Variants in HIBADH observed in about 807,000 individuals in gnomAD.
HIBADH encodes 3-hydroxyisobutyrate dehydrogenase.
HIBADH carries 25 observed loss-of-function variants against 36.1 expected under a neutral mutation model. The ratio of observed to expected loss-of-function variants is 0.69; its 90% confidence interval spans 0.50 to 0.97. The LOEUF (loss-of-function observed/expected upper bound fraction) is 0.97, where lower values mean the gene tolerates loss of function less well. Among genes scored for constraint, HIBADH ranks in the 50% least tolerant of loss-of-function variants. The pLI, the probability that HIBADH is intolerant of heterozygous loss-of-function variation, is 0.00. For missense variants in HIBADH, 421 were observed against 418.0 expected (o/e 1.01, Z -0.06); for synonymous variants, 160 against 149.5 (o/e 1.07, Z -0.51).
chr7:27,534,518 T>A (rs1160215289), intron 6 of HIBADH, among the ~76,000 whole-genome samples: 1 of 152,138 alleles, frequency 6.6e-6, no homozygotes, highest in Non-Finnish European at 1.5e-5. Flanking sequence ...CTTTTACCTT[T>A]GGCAAGAGAA....
intron 4 of HIBADH, among the ~76,000 whole-genome samples, chr7:27,550,260 ATTCT>A (rs2128185351): frequency 6.6e-6 from 1 of 152,202 alleles, no homozygotes; most frequent in East Asian, 1.9e-4. Flanking sequence ...CCATTAAGTT[ATTCT>A]TTCTGAAGTA....
intron 4 of HIBADH, among the ~76,000 whole-genome samples, chr7:27,602,147 T>A (rs975628701): frequency 1.3e-5 from 2 of 151,834 alleles, no homozygotes; most frequent in African/African-American, 4.8e-5. Flanking sequence ...CTATTGTGCC[T>A]TCCTGAGACT....
intron 2 of HIBADH, among the ~76,000 whole-genome samples, chr7:27,643,806 T>C (rs1562656496): frequency 1.3e-5 from 2 of 152,214 alleles, no homozygotes; most frequent in Admixed American, 6.5e-5. Context: ...TTCCAGCTTC[T>C]GATGGCTCCT....
At chr7:27,541,055 TAG>T (rs1274568503) in intron 5 of HIBADH, among the ~76,000 whole-genome samples, 2 of 151,986 alleles carry the variant, frequency 1.3e-5, no homozygotes, top group African/African-American at 4.8e-5. Context: ...TACAAAACAG[TAG>T]AGTTAGCCTA....
At chr7:27,656,795 T>C (rs942185276) in intron 1 of HIBADH, among the ~76,000 whole-genome samples, 3 of 152,208 alleles carry the variant, frequency 2.0e-5, no homozygotes, top group Admixed American at 6.5e-5. Context: ...ATATATGCTA[T>C]GTGAATGAAT....
intron 5 of HIBADH, among the ~76,000 whole-genome samples, chr7:27,542,627 T>G (rs993742666): frequency 5.9e-5 from 9 of 151,666 alleles, no homozygotes; most frequent in Non-Finnish European, 8.8e-5. Flanking sequence ...AATTTTTTTG[T>G]TCTTTGTAGA....
chr7:27,549,989 C>G (rs1241696974), intron 4 of HIBADH, among the ~76,000 whole-genome samples: 2 of 152,144 alleles, frequency 1.3e-5, no homozygotes, highest in African/African-American at 4.8e-5. Flanking sequence ...CTCATTGCAA[C>G]CTCTGCCTCC....
chr7:27,594,655 A>C (rs1248874716), intron 4 of HIBADH, among the ~76,000 whole-genome samples: 1 of 152,192 alleles, frequency 6.6e-6, no homozygotes, highest in African/African-American at 2.4e-5. Context: ...TAAACAAGCA[A>C]AAGTAGTCTA....
intron 4 of HIBADH, among the ~76,000 whole-genome samples, chr7:27,578,251 TTTG>T (rs1286975392): frequency 6.6e-6 from 1 of 152,180 alleles, no homozygotes; most frequent in African/African-American, 2.4e-5. Context: ...AATGAAAATA[TTTG>T]TTTTCTTAGT....
At chr7:27,545,351 T>C (rs556066860) in intron 4 of HIBADH, among the ~76,000 whole-genome samples, 11 of 152,082 alleles carry the variant, frequency 7.2e-5, no homozygotes, top group Non-Finnish European at 1.6e-4. Context: ...AGATGGAGGA[T>C]TGCTTGAACC....
At chr7:27,640,501 G>A (rs888265669) in intron 2 of HIBADH, among the ~76,000 whole-genome samples, 1 of 152,184 alleles carries the variant, frequency 6.6e-6, no homozygotes, top group Non-Finnish European at 1.5e-5. Flanking sequence ...CTGCATTCCA[G>A]CCTGGGTGAC....
At chr7:27,558,684 GA>G (rs1784426527) in intron 4 of HIBADH, among the ~76,000 whole-genome samples, 1 of 152,090 alleles carries the variant, frequency 6.6e-6, no homozygotes, top group Non-Finnish European at 1.5e-5. Context: ...CACAGAGCAA[GA>G]CCCAGTCTCA....
chr7:27,565,702 T>C (rs1784537866), intron 4 of HIBADH, among the ~76,000 whole-genome samples: 2 of 152,196 alleles, frequency 1.3e-5, no homozygotes, highest in Non-Finnish European at 2.9e-5. Flanking sequence ...TGAGAGTAGA[T>C]ATCCTGTGTT....
intron 7 of HIBADH, among the ~76,000 whole-genome samples, chr7:27,527,531 T>C (rs1783922114): frequency 6.6e-6 from 1 of 152,174 alleles, no homozygotes; most frequent in African/African-American, 2.4e-5. Flanking sequence ...CATCTTGTCT[T>C]AGTGTGCTTC....
At chr7:27,640,992 C>T (rs531538664) in intron 2 of HIBADH, among the ~76,000 whole-genome samples, 1 of 152,224 alleles carries the variant, frequency 6.6e-6, no homozygotes, top group Non-Finnish European at 1.5e-5. Context: ...CCTCCAGGGT[C>T]ATAATATTCT....
chr7:27,608,721 A>G (rs1223941392), intron 4 of HIBADH, among the ~76,000 whole-genome samples: 1 of 152,244 alleles, frequency 6.6e-6, no homozygotes, highest in African/African-American at 2.4e-5. Context: ...AGAAAAATAA[A>G]TTGTACATAA....
At chr7:27,541,872 A>G (rs1784156413) in intron 5 of HIBADH, 1 of 320,180 alleles carries the variant, frequency 3.1e-6, no homozygotes, top group South Asian at 2.6e-5. Context: ...ATGACATTTT[A>G]TGCTCAATAC....
intron 4 of HIBADH, among the ~76,000 whole-genome samples, chr7:27,598,180 T>C (rs1228903782): frequency 6.6e-6 from 1 of 152,178 alleles, no homozygotes; most frequent in East Asian, 1.9e-4. Flanking sequence ...TACACAATTA[T>C]CTAAAAATAC....
rs1448565342 is a variant in HIBADH, at chr7:27,602,749, G to T, written c.484+26622C>A. ...CAAATAAGCATTCTCTAACAATTAT[G>T]AATTATTTCACATCATTTTAAGGTT... On this transcript the variant is annotated intron_variant, in intron 4 of 7. Transcript: ENST00000265395. Among the ~76,000 whole-genome samples the T allele has an allele frequency of 3.3e-5, 5 of 152,092 alleles. No individual in the cohort carries two copies. The East Asian group carries it at 7.7e-4, about 24-fold the overall frequency.
Sources: allele counts gnomAD v4.1 joint callset (sites outside exome capture counted in the v4.1 genomes callset), GRCh38; gene constraint gnomAD v4.1.1; transcripts MANE v1.5; gene names NCBI Gene and HGNC (gene_info 2026-07-23, HGNC 2026-07-21).